PLCL2: variants seen among roughly 807,000 people sequenced by gnomAD.
PLCL2 encodes phospholipase C like 2.
PLCL2 carries 4 observed loss-of-function variants against 79.6 expected under a neutral mutation model. That is an observed-to-expected ratio of 0.05 (90% confidence interval 0.02 to 0.11). The LOEUF (loss-of-function observed/expected upper bound fraction) is 0.11. PLCL2 is among the 10% of genes least tolerant of loss of function. PLCL2 has a pLI of 1.00. For synonymous variants in PLCL2, 484 were observed against 457.7 expected (o/e 1.06, Z -0.73); for missense variants, 895 against 1,291.0 (o/e 0.69, Z 4.70).
At chr3:17,057,957 C>T (rs917437192) in intron 4 of PLCL2, among the ~76,000 whole-genome samples, 8 of 152,198 alleles carry the variant, frequency 5.3e-5, no homozygotes, top group African/African-American at 1.9e-4. Flanking sequence ...TATGGACCCT[C>T]CCCTAAGAGG....
chr3:16,981,466 G>T (rs1456905234), intron 1 of PLCL2, among the ~76,000 whole-genome samples: 1 of 152,180 alleles, frequency 6.6e-6, no homozygotes, highest in Admixed American at 6.5e-5. Context: ...TGTAATGTCA[G>T]TGTTAACGGG....
chr3:16,988,137 G>A (rs531950272), intron 1 of PLCL2, among the ~76,000 whole-genome samples: 6 of 152,192 alleles, frequency 3.9e-5, no homozygotes, highest in South Asian at 2.1e-4. Flanking sequence ...AAAAGGTCGT[G>A]GAGTGTCTCC....
intron 3 of PLCL2, among the ~76,000 whole-genome samples, chr3:17,028,628 C>T (rs1053498936): frequency 1.3e-5 from 2 of 152,072 alleles, no homozygotes; most frequent in Non-Finnish European, 2.9e-5. Flanking sequence ...AGGCACGCAC[C>T]AGCATGCCCG....
At chr3:16,975,509 G>A (rs55942882) in intron 1 of PLCL2, among the ~76,000 whole-genome samples, 24,390 of 152,198 alleles carry the variant, frequency 0.16, 2,487 homozygotes, top group Non-Finnish European at 0.21. Flanking sequence ...TCCAAAGGAT[G>A]TAGCTTTCTT....
chr3:17,073,792 T>C (rs539838446), intron 5 of PLCL2, among the ~76,000 whole-genome samples: 1 of 152,340 alleles, frequency 6.6e-6, no homozygotes, highest in African/African-American at 2.4e-5. Flanking sequence ...AAGAAGCAAC[T>C]CCTCATGCAT....
intron 1 of PLCL2, among the ~76,000 whole-genome samples, chr3:16,997,763 C>T (rs1208212525): frequency 6.6e-6 from 1 of 152,080 alleles, no homozygotes; most frequent in African/African-American, 2.4e-5. Flanking sequence ...TGGTCTTGAT[C>T]TCCTGACCTC....
chr3:16,905,062 T>C (rs974421548), intron 1 of PLCL2, among the ~76,000 whole-genome samples: 1 of 152,114 alleles, frequency 6.6e-6, no homozygotes, highest in African/African-American at 2.4e-5. Flanking sequence ...AGCAGAAGCC[T>C]GTATACTCCA....
intron 1 of PLCL2, among the ~76,000 whole-genome samples, chr3:16,969,887 A>C (rs1347140945): frequency 6.6e-6 from 1 of 151,670 alleles, no homozygotes; most frequent in African/African-American, 2.4e-5. Flanking sequence ...TGTGTCCCAG[A>C]GATTCTGGTA....
chr3:17,086,930 T>C (rs534086140), intron 5 of PLCL2, among the ~76,000 whole-genome samples: 1 of 152,320 alleles, frequency 6.6e-6, no homozygotes, highest in African/African-American at 2.4e-5. Flanking sequence ...TAGGAAATTA[T>C]ATATTAAAAC....
intron 1 of PLCL2, among the ~76,000 whole-genome samples, chr3:16,948,710 A>G (rs999628440): frequency 2.0e-5 from 3 of 152,174 alleles, no homozygotes; most frequent in Non-Finnish European, 2.9e-5. Flanking sequence ...TTGAAACTCT[A>G]TTTAGATGGG....
rs920133164 is a variant in PLCL2, at chr3:17,063,619, C to T, written c.3095-4337C>T. On this transcript the variant is annotated intron_variant, in intron 4 of 5. Transcript: ENST00000615277. ...TGAGGTTTGAGATGCACTATCTAGT[C>T]TCCACGTGACTTCTCTGTGCTGCCT... Among the ~76,000 whole-genome samples the T allele has an allele frequency of 2.5e-4, 38 of 152,178 alleles. 1 individual carries two copies. Among genetic ancestry groups the T allele is most frequent in the Admixed American group, 1.9e-3 (29 of 15,292 alleles).
chr3:17,023,094 C>T (rs1474229347), intron 3 of PLCL2, among the ~76,000 whole-genome samples: 1 of 152,172 alleles, frequency 6.6e-6, no homozygotes, highest in Non-Finnish European at 1.5e-5. Context: ...CCATCCTCTC[C>T]TCCACTTTCT....
chr3:16,889,933 T>A (rs947869440), intron 1 of PLCL2, among the ~76,000 whole-genome samples: 3 of 152,158 alleles, frequency 2.0e-5, no homozygotes, highest in Non-Finnish European at 4.4e-5. Context: ...GGGCACATCA[T>A]AAATAATTAA....
At chr3:16,897,742 C>T (rs1227434636) in intron 1 of PLCL2, among the ~76,000 whole-genome samples, 3 of 152,170 alleles carry the variant, frequency 2.0e-5, no homozygotes, top group Admixed American at 1.3e-4. Context: ...ATGACCTTTG[C>T]GTGAATGTGT....
intron 1 of PLCL2, among the ~76,000 whole-genome samples, chr3:16,999,371 GC>G (rs1256650848): frequency 3.3e-5 from 5 of 152,120 alleles, no homozygotes; most frequent in African/African-American, 1.2e-4. Flanking sequence ...TTAGAGTATT[GC>G]AGTGACACAT....
chr3:17,076,193 T>C (rs962515425), intron 5 of PLCL2, among the ~76,000 whole-genome samples: 5 of 152,160 alleles, frequency 3.3e-5, no homozygotes, highest in African/African-American at 1.2e-4. Flanking sequence ...ATTATCAGTT[T>C]TGTCATTCCA....
intron 1 of PLCL2, among the ~76,000 whole-genome samples, chr3:16,986,701 C>A (rs1434693105): frequency 6.6e-6 from 1 of 152,084 alleles, no homozygotes; most frequent in African/African-American, 2.4e-5. Flanking sequence ...TCTCACCTGG[C>A]CCCCTAGGGG....
chr3:16,948,327 C>T (rs2063620179), intron 1 of PLCL2, among the ~76,000 whole-genome samples: 1 of 149,354 alleles, frequency 6.7e-6, no homozygotes, highest in African/African-American at 2.5e-5. Flanking sequence ...CTGTGTGGGG[C>T]AGAAGGTGGA....
chr3:17,050,802 C>T (rs1182469390), intron 4 of PLCL2, among the ~76,000 whole-genome samples: 1 of 152,122 alleles, frequency 6.6e-6, no homozygotes, highest in Non-Finnish European at 1.5e-5. Flanking sequence ...TGCATGTATA[C>T]CCAAAAGAAA....
Sources: allele counts gnomAD v4.1 joint callset (sites outside exome capture counted in the v4.1 genomes callset), GRCh38; gene constraint gnomAD v4.1.1; transcripts MANE v1.5; gene names NCBI Gene and HGNC (gene_info 2026-07-23, HGNC 2026-07-21).